Variants in FBXL13 observed in about 807,000 individuals in gnomAD.
FBXL13 encodes F-box and leucine-rich repeat protein 13.
A neutral mutation model predicts 83.6 loss-of-function variants in FBXL13; 67 were observed. The observed-to-expected ratio is 0.80, with a 90% confidence interval of 0.66 to 0.98. The LOEUF (loss-of-function observed/expected upper bound fraction) is 0.98. Among genes scored for constraint, FBXL13 ranks in the 50% least tolerant of loss-of-function variants. The probability of loss-of-function intolerance (pLI) is 0.00; values close to 1 mark genes in which losing one functional copy is unlikely to be tolerated. For synonymous variants in FBXL13, 272 were observed against 299.5 expected, an observed-to-expected ratio of 0.91 and a Z score of 0.95; for missense variants, 822 against 866.5, an observed-to-expected ratio of 0.95 and a Z score of 0.64.
At chr7:103,021,052 T>C (rs1417484031) in intron 6 of FBXL13, among the ~76,000 whole-genome samples, 1 of 152,166 alleles carries the variant, frequency 6.6e-6, no homozygotes, top group Admixed American at 6.6e-5. Flanking sequence ...AGAACAAAGC[T>C]GGAGGCATCA....
rs376327682 is a variant in FBXL13 at position 103,028,564 on chromosome 7, G to A, written c.217+36C>T. Reference sequence around the variant, plus strand: ...AGTTTTTTTATTATTTCAATAAATGGATACAAAAAGTAATTGCTACTATGT... The same window carrying A: ...AGTTTTTTTATTATTTCAATAAATGAATACAAAAAGTAATTGCTACTATGT... On this transcript the variant is annotated intron_variant, in intron 4 of 19. Transcript: ENST00000313221. 1.4e-5 allele frequency: 20 copies of A among 1,418,696 alleles called. No individual in the cohort carries two copies. In the African/African-American group the frequency reaches 2.6e-4, roughly 19 times the overall value. The allele number at this position is 1,418,696 out of a possible 1,614,324, so 87.9% of individuals were successfully genotyped here.
intron 10 of FBXL13, among the ~76,000 whole-genome samples, chr7:102,914,353 G>A (rs1035683560): frequency 1.3e-5 from 2 of 152,218 alleles, no homozygotes; most frequent in African/African-American, 4.8e-5. Flanking sequence ...GAACAGGCAT[G>A]AGCCACCGTG....
intron 11 of FBXL13, among the ~76,000 whole-genome samples, chr7:102,899,234 C>T (rs1221324399): frequency 6.6e-6 from 1 of 152,172 alleles, no homozygotes; most frequent in Non-Finnish European, 1.5e-5. Flanking sequence ...TTTTAAACCC[C>T]AAATGAAAGC....
At chr7:102,943,322 T>C (rs1821820482) in intron 8 of FBXL13, among the ~76,000 whole-genome samples, 1 of 111,434 alleles carries the variant, frequency 9.0e-6, no homozygotes, top group Non-Finnish European at 1.8e-5. Flanking sequence ...CATCTTTTTT[T>C]CCCAAGTAAA....
chr7:102,854,913 A>G (rs1805813930), intron 16 of FBXL13, 53 bp from the exon 18 acceptor site: 2 of 1,017,180 alleles, frequency 2.0e-6, no homozygotes, highest in East Asian at 2.6e-5. Flanking sequence ...AGTATGGAAT[A>G]TATAGTTCCA....
chr7:102,840,429 G>A (rs1304633666), intron 17 of FBXL13, among the ~76,000 whole-genome samples: 1 of 152,188 alleles, frequency 6.6e-6, no homozygotes, highest in Non-Finnish European at 1.5e-5. Flanking sequence ...CTAGTCCAGG[G>A]TCCTCTGTGG....
chr7:103,024,821 G>GTA (rs1554505154), intron 6 of FBXL13, among the ~76,000 whole-genome samples: 16 of 119,786 alleles, frequency 1.3e-4, no homozygotes, highest in African/African-American at 4.2e-4. Context: ...ACATATATAT[G>GTA]TATATATATG....
intron 6 of FBXL13, among the ~76,000 whole-genome samples, chr7:102,989,463 T>A (rs1039602554): frequency 2.6e-5 from 4 of 152,188 alleles, no homozygotes; most frequent in African/African-American, 9.7e-5. Flanking sequence ...AGAAACACTC[T>A]GGGCCTCTCT....
At position 102,995,541 on chromosome 7, in the gene FBXL13, C is replaced by A. The variant is rs376190624; in HGVS notation, c.496-27424G>T. Among the ~76,000 whole-genome samples, 79 of 147,798 alleles carry A rather than the reference C, an allele frequency of 5.3e-4. No individual in the cohort carries two copies. In the East Asian group the frequency reaches 6.6e-3, roughly 12 times the overall value. ...CAGTGGCTCACGCCTGTAATCCCAG[C>A]ACTTTGGGAGGCGGAGGCAGACGGA... On this transcript the variant is annotated intron_variant, in intron 6 of 19. Transcript: ENST00000313221.
At chr7:103,034,276 C>T (rs576034031) in intron 2 of FBXL13, among the ~76,000 whole-genome samples, 13 of 152,286 alleles carry the variant, frequency 8.5e-5, no homozygotes, top group East Asian at 5.8e-4. Flanking sequence ...GATGGGACTG[C>T]GCACCGTGGA....
In FBXL13 at chr7:102,968,870, G is replaced by A. The variant is rs201795313; in HGVS notation, c.496-753C>T. ...GAGACATAAGAAAGTCACCAGGCCT[G>A]TACAAAGCTGGTACAGTCATGCTCT... On this transcript the variant is annotated intron_variant, in intron 6 of 19. Transcript: ENST00000313221. Among the ~76,000 whole-genome samples, 30 of 152,288 alleles carry A rather than the reference G, an allele frequency of 2.0e-4. No individual in the cohort carries two copies. In the East Asian group the frequency reaches 5.4e-3, roughly 27 times the overall value.
intron 16 of FBXL13, among the ~76,000 whole-genome samples, chr7:102,861,048 A>G (rs1473222677): frequency 6.6e-6 from 1 of 152,006 alleles, no homozygotes; most frequent in African/African-American, 2.4e-5. Flanking sequence ...CTACTTGAAA[A>G]TAAGTTTCAG....
intron 16 of FBXL13, among the ~76,000 whole-genome samples, chr7:102,863,861 G>A (rs1385432188): frequency 6.6e-5 from 10 of 152,084 alleles, no homozygotes; most frequent in Admixed American, 5.9e-4. Context: ...CATCGTCTAT[G>A]TCTCCTCTCT....
intron 19 of FBXL13, among the ~76,000 whole-genome samples, chr7:102,817,296 A>G (rs1200100405): frequency 6.6e-6 from 1 of 152,102 alleles, no homozygotes; most frequent in Admixed American, 6.6e-5. Flanking sequence ...AATAATAGCC[A>G]TTCTGATTGG....
In FBXL13 at chr7:102,867,695, A is replaced by ATATATATATATTTTTTT. The variant is rs1239781180; in HGVS notation, c.1635+9771_1635+9772insAAAAAAATATATATATA. 1.6e-4 allele frequency among the ~76,000 whole-genome samples: 8 copies of ATATATATATATTTTTTT among 49,078 alleles called. 1 individual carries two copies. Among genetic ancestry groups the ATATATATATATTTTTTT allele is most frequent in the African/African-American group, 9.8e-4 (8 of 8,164 alleles). 32.2% of individuals were successfully genotyped at this position (49,078 alleles called of 152,430 possible). On this transcript the variant is annotated intron_variant, in intron 16 of 19. Coordinates refer to ENST00000313221, the Ensembl canonical transcript of FBXL13. ...TATATATATATATATATATATATATATTTTTTTTTTTTTTTTTTTTTTTTT... is the reference window on the plus strand; with the variant it reads ...TATATATATATATATATATATATATATATATATATATTTTTTTTTTTTTTTTTTTTTTTTTTTTTTTT...
intron 1 of FBXL13, among the ~76,000 whole-genome samples, chr7:103,060,053 T>TAC (rs1563286605): frequency 6.2e-5 from 7 of 112,698 alleles, no homozygotes; most frequent in African/African-American, 2.9e-4. Context: ...TATATATATA[T>TAC]ATATATATAT....
intron 8 of FBXL13, chr7:102,939,598 G>A: frequency 1.3e-6 from 2 of 1,596,036 alleles, no homozygotes; most frequent in Non-Finnish European, 1.7e-6. Flanking sequence ...AAGTTCCCCT[G>A]TATAGCCCCT....
chr7:102,903,584 G>T (rs1813249687), intron 11 of FBXL13, among the ~76,000 whole-genome samples: 1 of 152,014 alleles, frequency 6.6e-6, no homozygotes, highest in Admixed American at 6.6e-5. Flanking sequence ...GTTGAGGTAT[G>T]TTTCTTCTAT....
intron 7 of FBXL13, among the ~76,000 whole-genome samples, chr7:102,965,110 G>A (rs1825838794): frequency 6.6e-6 from 1 of 152,170 alleles, no homozygotes; most frequent in Admixed American, 6.5e-5. Flanking sequence ...TGAGAGTTGG[G>A]ACTCAGGGCT....
Sources: allele counts gnomAD v4.1 joint callset (sites outside exome capture counted in the v4.1 genomes callset), GRCh38; gene constraint gnomAD v4.1.1; transcripts MANE v1.5; gene names NCBI Gene and HGNC (gene_info 2026-07-23, HGNC 2026-07-21).